The following PAG1 variants were observed in gnomAD, a reference collection of about 807,000 sequenced individuals.
PAG1 encodes phosphoprotein associated with glycosphingolipid-enriched microdomains 1.
A neutral mutation model predicts 31.7 loss-of-function variants in PAG1; 23 were observed. The ratio of observed to expected loss-of-function variants is 0.73; its 90% CI spans 0.52 to 1.03. The LOEUF (loss-of-function observed/expected upper bound fraction) is 1.03, where lower values mean the gene tolerates loss of function less well. Ranked by LOEUF, PAG1 falls within the 50% of genes least tolerant of loss-of-function variation. PAG1 has a pLI of 0.00. For synonymous variants in PAG1, 214 were observed against 210.3 expected (o/e 1.02, Z -0.15); for missense variants, 473 against 540.7 (o/e 0.87, Z 1.24).
intron 1 of PAG1, among the ~76,000 whole-genome samples, chr8:81,077,647 T>G (rs571445826): frequency 5.3e-5 from 8 of 152,148 alleles, no homozygotes; most frequent in Non-Finnish European, 1.5e-5. Flanking sequence ...CATTTAGAAA[T>G]CTGAAAGGAA....
chr8:81,063,747 T>A (rs747480161), intron 2 of PAG1, among the ~76,000 whole-genome samples: 2 of 152,168 alleles, frequency 1.3e-5, no homozygotes, highest in Admixed American at 6.5e-5. Context: ...GACAAGTCCC[T>A]CTTGTCATTA....
intron 1 of PAG1, among the ~76,000 whole-genome samples, chr8:81,094,884 T>C (rs13264518): frequency 0.038 from 5,796 of 152,322 alleles, 149 homozygotes; most frequent in Non-Finnish European, 0.058. Flanking sequence ...TTGCCAGCCA[T>C]AACATGCACC....
intron 1 of PAG1, among the ~76,000 whole-genome samples, chr8:81,098,723 A>T (rs1162370652): frequency 1.3e-5 from 2 of 152,190 alleles, no homozygotes; most frequent in African/African-American, 4.8e-5. Flanking sequence ...GCCATAACAC[A>T]TCTGTACCTG....
At position 80,976,457 on chromosome 8, in the gene PAG1, G is replaced by GTA; in HGVS notation, c.*85_*86dup. 3 of 1,321,912 alleles carry GTA rather than the reference G, an allele frequency of 2.3e-6. No individual in the cohort carries two copies. The highest frequency in any genetic ancestry group is 3.1e-6 in the Non-Finnish European group (3 of 957,910). 81.9% of individuals were successfully genotyped at this position (1,321,912 alleles called of 1,614,324 possible). ...TCAGGTGACTAAAGCAGCATATGAA[G>GTA]TATAGGTTTGTGTCACTTCTTCTCT... On this transcript the variant is annotated 3_prime_UTR_variant, in exon 9 of 9. Transcript: ENST00000220597.
In PAG1 at chr8:80,987,393, T is replaced by A. The variant is rs1374022913; in HGVS notation, c.251A>T (p.Asn84Ile). 6.2e-7 allele frequency: 1 copy of A among 1,612,998 alleles called. No homozygotes were observed. ...ACTGTCCCCATTGGTGAGTGCCCCATTCTGCTCACTGCTGGCAGGAGCATC... is the reference window on the plus strand; with the variant it reads ...ACTGTCCCCATTGGTGAGTGCCCCAATCTGCTCACTGCTGGCAGGAGCATC... ...ATDAPASSEQ[N>I]GALTNGDILS... Residue 84 changes from asparagine (N) to isoleucine (I), a missense_variant, in exon 6 of 9, where the codon AAT becomes ATT. Transcript: ENST00000220597.
chr8:81,100,218 A>C (rs1030688646), intron 1 of PAG1, among the ~76,000 whole-genome samples: 4 of 152,246 alleles, frequency 2.6e-5, no homozygotes, highest in African/African-American at 9.6e-5. Context: ...TTTGGCAAAG[A>C]CAGGGTATAC....
intron 2 of PAG1, among the ~76,000 whole-genome samples, chr8:81,037,506 T>C (rs1335226281): frequency 2.0e-5 from 3 of 152,224 alleles, no homozygotes; most frequent in Non-Finnish European, 4.4e-5. Flanking sequence ...AAAAGAAATC[T>C]TTCTTGTTGG....
At chr8:81,072,390 A>T (rs1809108315) in intron 1 of PAG1, among the ~76,000 whole-genome samples, 1 of 152,326 alleles carries the variant, frequency 6.6e-6, no homozygotes, top group Non-Finnish European at 1.5e-5. Context: ...CCTTGCTGAC[A>T]TTTGGGGCTG....
chr8:81,025,545 C>T (rs978100977), intron 3 of PAG1, among the ~76,000 whole-genome samples: 1 of 152,164 alleles, frequency 6.6e-6, no homozygotes, highest in South Asian at 2.1e-4. Context: ...AGCGGCTGCT[C>T]TCCACACTGG....
chr8:81,107,264 T>C (rs1028318964), intron 1 of PAG1, among the ~76,000 whole-genome samples: 4 of 152,216 alleles, frequency 2.6e-5, no homozygotes, highest in African/African-American at 9.6e-5. Flanking sequence ...TGTCAATTCC[T>C]GCTCCTGGCA....
intron 1 of PAG1, among the ~76,000 whole-genome samples, chr8:81,083,181 G>T (rs973564078): frequency 2.0e-5 from 3 of 152,094 alleles, no homozygotes; most frequent in Non-Finnish European, 4.4e-5. Context: ...CATTCTTACT[G>T]CTAGTTAGGA....
chr8:80,992,762 C>A (rs776319575), intron 4 of PAG1, among the ~76,000 whole-genome samples: 1 of 152,186 alleles, frequency 6.6e-6, no homozygotes, highest in Non-Finnish European at 1.5e-5. Context: ...CAAAAAGATG[C>A]GCATCACACA....
rs561602935 is a variant in PAG1, at chr8:81,064,644, A to C, written c.-175+5468T>G. 2.0e-5 allele frequency among the ~76,000 whole-genome samples: 3 copies of C among 152,302 alleles called. No individual in the cohort carries two copies. In the South Asian group the frequency reaches 6.2e-4, roughly 32 times the overall value. ...CCAAACAGCTAACTCTCTCTTCTTCAAATAGGTCCTCTAGTGTGCTTTTCA... is the reference window on the plus strand; with the variant it reads ...CCAAACAGCTAACTCTCTCTTCTTCCAATAGGTCCTCTAGTGTGCTTTTCA... On this transcript the variant is annotated intron_variant, in intron 2 of 8. Transcript: ENST00000220597.
intron 3 of PAG1, among the ~76,000 whole-genome samples, chr8:81,016,202 G>A (rs1295731573): frequency 6.6e-6 from 1 of 152,210 alleles, no homozygotes; most frequent in East Asian, 1.9e-4. Context: ...ATGAGCTGCT[G>A]AGTAAATGGC....
At chr8:81,063,011 A>G (rs909412572) in intron 2 of PAG1, among the ~76,000 whole-genome samples, 1 of 152,234 alleles carries the variant, frequency 6.6e-6, no homozygotes, top group African/African-American at 2.4e-5. Context: ...AGGGAAGATG[A>G]TGAAAAAAGA....
chr8:81,072,247 C>G (rs1263317616), intron 1 of PAG1, among the ~76,000 whole-genome samples: 1 of 152,244 alleles, frequency 6.6e-6, no homozygotes, highest in African/African-American at 2.4e-5. Flanking sequence ...TTGTTCCAAC[C>G]TCCTGTCCCA....
At chr8:81,028,305 TCACTAG>T (rs1413894823) in intron 3 of PAG1, among the ~76,000 whole-genome samples, 1 of 152,254 alleles carries the variant, frequency 6.6e-6, no homozygotes, top group East Asian at 1.9e-4. Context: ...TGGCTCCCTC[TCACTAG>T]CAGTGCATCT....
chr8:81,064,188 C>CA (rs1344147769), intron 2 of PAG1, among the ~76,000 whole-genome samples: 1 of 152,166 alleles, frequency 6.6e-6, no homozygotes, highest in African/African-American at 2.4e-5. Flanking sequence ...TCATGGAAGA[C>CA]AATTTTTCCA....
chr8:81,048,189 CTG>C (rs1245519423), intron 2 of PAG1, among the ~76,000 whole-genome samples: 2 of 152,182 alleles, frequency 1.3e-5, no homozygotes, highest in Admixed American at 6.5e-5. Flanking sequence ...TAAGTCCTGA[CTG>C]TCCTTTTTAG....
Sources: gnomAD v4.1 joint callset for allele counts (sites outside exome capture counted in the v4.1 genomes callset) on GRCh38, gnomAD v4.1.1 for gene constraint, MANE v1.5 for transcripts, NCBI Gene and HGNC (gene_info 2026-07-23, HGNC 2026-07-21) for gene names.